The following PTBP2 variants were observed in gnomAD, a reference collection of about 807,000 sequenced individuals.
The protein encoded by PTBP2 is polypyrimidine tract binding protein 2, also known as polypyrimidine tract-binding protein 2.
In PTBP2, 13 loss-of-function variants were observed where a neutral mutation model predicts 61.4. That is an observed-to-expected ratio of 0.21 (90% confidence interval 0.14 to 0.34). PTBP2 has a LOEUF of 0.34. Among genes scored for constraint, PTBP2 ranks in the 10% least tolerant of loss-of-function variants. PTBP2 has a pLI of 1.00. For synonymous variants in PTBP2, 215 were observed against 218.5 expected (o/e 0.98, Z 0.14); for missense variants, 405 against 642.6 (o/e 0.63, Z 4.00).
chr1:96,739,098 A>G (rs891429189), intron 2 of PTBP2, among the ~76,000 whole-genome samples: 1 of 152,180 alleles, frequency 6.6e-6, no homozygotes, highest in Non-Finnish European at 1.5e-5. Context: ...AGGGCAGTGT[A>G]CCAAAATAGA....
In PTBP2 at chr1:96,739,105, TAG is replaced by T. The variant is rs1291106081; in HGVS notation, c.40-12317_40-12316del. 2.6e-5 allele frequency among the ~76,000 whole-genome samples: 4 copies of T among 152,296 alleles called. No individual in the cohort carries two copies. The East Asian group carries it at 7.7e-4, about 29-fold the overall frequency. ...AAAGCTGGAGGGCAGTGTACCAAAA[TAG>T]AGTAGTTTTCTCCAGGTTGATGGGA... On this transcript the variant is annotated intron_variant, in intron 2 of 13. Transcript: ENST00000674951.
At position 96,800,055 on chromosome 1, in the gene PTBP2, A is replaced by G. The variant is rs368519761; in HGVS notation, c.905-4745A>G. On this transcript the variant is annotated intron_variant, in intron 8 of 13. Transcript: ENST00000674951. ...GGAGGAAATAATGAAAGAGAAATAC[A>G]TACGAGTGGCATTAAGGACAGGTGG... Among the ~76,000 whole-genome samples, 180 of 152,340 alleles carry G rather than the reference A, an allele frequency of 1.2e-3. No individual in the cohort carries two copies. In the Middle Eastern group the frequency reaches 0.014, roughly 12 times the overall value.
intron 3 of PTBP2, among the ~76,000 whole-genome samples, chr1:96,757,081 T>C (rs1387519797): frequency 6.6e-6 from 1 of 152,208 alleles, no homozygotes; most frequent in African/African-American, 2.4e-5. Context: ...AAACTTACTC[T>C]GAAAAATGTC....
intron 2 of PTBP2, among the ~76,000 whole-genome samples, chr1:96,747,667 GTT>G (rs151022403): frequency 6.6e-6 from 1 of 151,970 alleles, no homozygotes. Flanking sequence ...AAATAAAAGA[GTT>G]TTTTTGTTTC....
downstream of PTBP2, chr1:96,815,261 T>G (rs1316495484): frequency 6.6e-6 from 1 of 151,960 alleles, no homozygotes; most frequent in African/African-American, 2.4e-5. Context: ...GCTCTCTTGC[T>G]GCAGTTTCAT....
chr1:96,728,692 T>A (rs984316191), intron 2 of PTBP2, among the ~76,000 whole-genome samples: 1 of 152,166 alleles, frequency 6.6e-6, no homozygotes, highest in African/African-American at 2.4e-5. Flanking sequence ...TTCATATGAG[T>A]CAGTTCTTAG....
In PTBP2 at chr1:96,765,619, G is replaced by A. The variant is rs964915096; in HGVS notation, c.116-4084G>A. 3.3e-5 allele frequency among the ~76,000 whole-genome samples: 5 copies of A among 152,026 alleles called. No individual in the cohort carries two copies. The South Asian group carries it at 6.2e-4, about 19-fold the overall frequency. The stretch of plus-strand genomic sequence containing the variant: ...CCAGCTACATGGGAGGCTGTGGCAC[G>A]AGAATCACTTAAACCTGGGAAGTGG... On this transcript the variant is annotated intron_variant, in intron 3 of 13. Coordinates refer to ENST00000674951, the MANE Select transcript of PTBP2 (RefSeq NM_021190.4).
chr1:96,820,648 A>T (rs562863255), exon 14 of PTBP2: 1 of 149,084 alleles, frequency 6.7e-6, no homozygotes, highest in South Asian at 2.1e-4. Context: ...TTTTCAACAC[A>T]TCTGACACCT....
At chr1:96,765,602 A>G (rs1024368963) in intron 3 of PTBP2, among the ~76,000 whole-genome samples, 2 of 152,018 alleles carry the variant, frequency 1.3e-5, no homozygotes, top group African/African-American at 4.8e-5. Context: ...TCCCAGCTAC[A>G]TGGGAGGCTG....
intron 2 of PTBP2, among the ~76,000 whole-genome samples, chr1:96,742,065 C>T (rs559551153): frequency 6.6e-6 from 1 of 152,176 alleles, no homozygotes; most frequent in Non-Finnish European, 1.5e-5. Context: ...ATTTTAAGAT[C>T]ATTTGGCTAA....
chr1:96,752,854 C>T (rs778629292), intron 3 of PTBP2, among the ~76,000 whole-genome samples: 1 of 151,948 alleles, frequency 6.6e-6, no homozygotes, highest in Non-Finnish European at 1.5e-5. Flanking sequence ...GATGAGCAGA[C>T]GGTATAAGAT....
intron 3 of PTBP2, among the ~76,000 whole-genome samples, chr1:96,759,714 A>G (rs748496742): frequency 7.2e-5 from 11 of 152,340 alleles, no homozygotes; most frequent in Non-Finnish European, 1.3e-4. Flanking sequence ...ATCAAAAGAC[A>G]TTGTTAAGAC....
chr1:96,816,257 A>G (rs1378992634), downstream of PTBP2: 1 of 152,162 alleles, frequency 6.6e-6, no homozygotes, highest in Non-Finnish European at 1.5e-5. Context: ...GACATTCTAG[A>G]ATATTTTTAA....
chr1:96,783,213 A>G (rs548080961), intron 7 of PTBP2, among the ~76,000 whole-genome samples: 1 of 152,062 alleles, frequency 6.6e-6, no homozygotes, highest in South Asian at 2.1e-4. Context: ...CCTTTAACCA[A>G]CTATTTAAAA....
chr1:96,789,161 G>A (rs933893892), intron 8 of PTBP2, among the ~76,000 whole-genome samples: 1 of 151,910 alleles, frequency 6.6e-6, no homozygotes, highest in Non-Finnish European at 1.5e-5. Flanking sequence ...AATTAGGAGA[G>A]AGACTGTGTA....
intron 2 of PTBP2, among the ~76,000 whole-genome samples, chr1:96,732,958 C>T (rs1651636770): frequency 6.6e-6 from 1 of 151,090 alleles, no homozygotes; most frequent in East Asian, 1.9e-4. Context: ...ATCTGGTAGG[C>T]ATTATTCTAT....
At chr1:96,786,755 A>G (rs1053028390) in intron 8 of PTBP2, among the ~76,000 whole-genome samples, 3 of 152,290 alleles carry the variant, frequency 2.0e-5, no homozygotes, top group African/African-American at 7.2e-5. Flanking sequence ...CAACTCATCA[A>G]AGAAACAATT....
At chr1:96,775,891 TAAATA>T (rs1657980465) in intron 5 of PTBP2, among the ~76,000 whole-genome samples, 1 of 152,114 alleles carries the variant, frequency 6.6e-6, no homozygotes, top group Admixed American at 6.5e-5. Context: ...TGAATAGTAT[TAAATA>T]AAAGTATGAA....
In PTBP2 at chr1:96,751,902, A is replaced by G. The variant is rs546001551; in HGVS notation, c.115+402A>G. On this transcript the variant is annotated intron_variant, in intron 3 of 13. Coordinates refer to ENST00000674951, the MANE Select transcript of PTBP2 (RefSeq NM_021190.4). Reference sequence around the variant, plus strand: ...TAAGTAAAAACCGAAGAATTCAGCTACATAGTTGTTTAAAACCATTGCAAC... The same window carrying G: ...TAAGTAAAAACCGAAGAATTCAGCTGCATAGTTGTTTAAAACCATTGCAAC... Among the ~76,000 whole-genome samples the G allele has an allele frequency of 3.0e-4, 45 of 152,164 alleles. 1 individual carries two copies. The South Asian group carries it at 6.0e-3, about 20-fold the overall frequency.
Sources: gnomAD v4.1 joint callset for allele counts (sites outside exome capture counted in the v4.1 genomes callset) on GRCh38, gnomAD v4.1.1 for gene constraint, MANE v1.5 for transcripts, NCBI Gene and HGNC (gene_info 2026-07-23, HGNC 2026-07-21) for gene names.